Variants in CTNNA3 observed in about 807,000 individuals in gnomAD.
The protein encoded by CTNNA3 is catenin alpha 3, also known as catenin alpha-3.
Under a neutral mutation model 95.7 loss-of-function variants are expected in CTNNA3, and 76 were observed. The observed-to-expected ratio is 0.79, with a 90% CI of 0.66 to 0.96. CTNNA3 has a LOEUF of 0.96. Ranked by LOEUF, CTNNA3 falls within the 40% of genes least tolerant of loss-of-function variation. The probability of loss-of-function intolerance (pLI) is 0.00; values close to 1 mark genes in which losing one functional copy is unlikely to be tolerated. For synonymous variants in CTNNA3, 431 were observed against 374.4 expected, an observed-to-expected ratio of 1.15 and a Z score of -1.74; for missense variants, 1,191 against 1,089.8, an observed-to-expected ratio of 1.09 and a Z score of -1.31.
At chr10:66,979,513 C>T (rs1375497089) in intron 7 of CTNNA3, among the ~76,000 whole-genome samples, 1 of 152,112 alleles carries the variant, frequency 6.6e-6, no homozygotes, top group African/African-American at 2.4e-5. Flanking sequence ...GCCCAGGGTG[C>T]AGACTCAGGC....
intron 5 of CTNNA3, among the ~76,000 whole-genome samples, chr10:67,365,436 G>A (rs937098857): frequency 2.0e-5 from 3 of 152,058 alleles, no homozygotes; most frequent in Non-Finnish European, 2.9e-5. Context: ...GAGTGAACAG[G>A]CAACCCACAT....
intron 4 of CTNNA3, among the ~76,000 whole-genome samples, chr10:67,534,453 A>T (rs1288136510): frequency 6.6e-6 from 1 of 152,190 alleles, no homozygotes; most frequent in Non-Finnish European, 1.5e-5. Flanking sequence ...AACATAATTT[A>T]GAAGTTTGAG....
At chr10:67,224,268 C>T (rs1435296482) in intron 5 of CTNNA3, among the ~76,000 whole-genome samples, 1 of 152,194 alleles carries the variant, frequency 6.6e-6, no homozygotes, top group Non-Finnish European at 1.5e-5. Context: ...ATGCCAACCC[C>T]TGGCAACTAT....
intron 1 of CTNNA3, among the ~76,000 whole-genome samples, chr10:67,664,034 T>C (rs1840267466): frequency 6.6e-6 from 1 of 152,216 alleles, no homozygotes; most frequent in Non-Finnish European, 1.5e-5. Flanking sequence ...CTTACTGAAG[T>C]TGAAATTCAA....
At chr10:67,760,671 AT>A (rs1841457626) in intron 1 of CTNNA3, among the ~76,000 whole-genome samples, 1 of 152,096 alleles carries the variant, frequency 6.6e-6, no homozygotes, top group Non-Finnish European at 1.5e-5. Flanking sequence ...ATTTACAGCC[AT>A]TCCCCATTGC....
intron 13 of CTNNA3, among the ~76,000 whole-genome samples, chr10:66,227,354 A>G (rs2089352258): frequency 7.0e-6 from 1 of 142,344 alleles, no homozygotes; most frequent in Admixed American, 7.4e-5. Flanking sequence ...GTACACTTCT[A>G]TACTTAATTT....
intron 13 of CTNNA3, among the ~76,000 whole-genome samples, chr10:66,208,241 T>C (rs954718105): frequency 5.3e-5 from 8 of 152,062 alleles, no homozygotes; most frequent in Non-Finnish European, 1.2e-4. Flanking sequence ...GACTTAGTAA[T>C]TTTGTAGCTA....
At chr10:65,951,647 A>T (rs1277343925) in intron 17 of CTNNA3, among the ~76,000 whole-genome samples, 1 of 151,974 alleles carries the variant, frequency 6.6e-6, no homozygotes, top group East Asian at 1.9e-4. Flanking sequence ...CACCCCTGTC[A>T]TCTCAGCACT....
chr10:66,399,487 C>A (rs2093003722), intron 11 of CTNNA3, among the ~76,000 whole-genome samples: 1 of 151,904 alleles, frequency 6.6e-6, no homozygotes, highest in Non-Finnish European at 1.5e-5. Flanking sequence ...ACCCTACATT[C>A]CATCCTAATT....
intron 15 of CTNNA3, among the ~76,000 whole-genome samples, chr10:66,030,802 A>C (rs2079434916): frequency 1.3e-5 from 2 of 152,166 alleles, no homozygotes; most frequent in Admixed American, 6.6e-5. Flanking sequence ...TTATGCATCC[A>C]ACAAAGGTCT....
At chr10:66,365,532 T>C (rs528271104) in intron 12 of CTNNA3, among the ~76,000 whole-genome samples, 2 of 152,246 alleles carry the variant, frequency 1.3e-5, no homozygotes, top group East Asian at 3.9e-4. Flanking sequence ...ACTTAAAGTA[T>C]AATAAATAAA....
At chr10:67,717,512 G>A (rs1421479793) in intron 1 of CTNNA3, among the ~76,000 whole-genome samples, 4 of 152,028 alleles carry the variant, frequency 2.6e-5, no homozygotes, top group African/African-American at 9.7e-5. Context: ...TAAGGACAAG[G>A]TCCAGTTTCA....
intron 13 of CTNNA3, among the ~76,000 whole-genome samples, chr10:66,143,304 A>G (rs2083710394): frequency 6.6e-6 from 1 of 152,180 alleles, no homozygotes; most frequent in African/African-American, 2.4e-5. Flanking sequence ...AGAAAGGAGT[A>G]TACTTTATAA....
At chr10:67,052,962 A>G (rs1156961617) in intron 7 of CTNNA3, among the ~76,000 whole-genome samples, 1 of 152,226 alleles carries the variant, frequency 6.6e-6, no homozygotes, top group African/African-American at 2.4e-5. Flanking sequence ...ACCTCAAAGT[A>G]TGTTCATTGT....
At chr10:65,921,128 C>T (rs749692638) in intron 17 of CTNNA3, among the ~76,000 whole-genome samples, 8 of 152,160 alleles carry the variant, frequency 5.3e-5, no homozygotes, top group Non-Finnish European at 8.8e-5. Context: ...AGTTTAACAA[C>T]GGTACAAATT....
intron 10 of CTNNA3, among the ~76,000 whole-genome samples, chr10:66,611,473 G>T (rs1844328089): frequency 6.6e-6 from 1 of 151,950 alleles, no homozygotes; most frequent in African/African-American, 2.4e-5. Context: ...AAGAATGGTA[G>T]GACTTTATGG....
chr10:67,482,769 G>A (rs1381132637), intron 5 of CTNNA3, among the ~76,000 whole-genome samples: 1 of 152,108 alleles, frequency 6.6e-6, no homozygotes, highest in African/African-American at 2.4e-5. Context: ...GCCCTGGCCA[G>A]AATTTCCAAC....
Position 66,046,994 on chromosome 10 carries a change from A to G in CTNNA3, c.2159+22314T>C, listed in dbSNP as rs182406986. On this transcript the variant is annotated intron_variant, in intron 15 of 17. Coordinates refer to ENST00000433211, the MANE Select transcript of CTNNA3 (RefSeq NM_013266.4). ...AAATTAACTCGGTAATAAATAGCCT[A>G]CCAACCAAAAAAAGCCCAGGACCTG... is the stretch of plus-strand genomic sequence containing the variant. Among the ~76,000 whole-genome samples, 454 of 152,290 alleles carry G rather than the reference A, an allele frequency of 3.0e-3. 2 individuals are homozygous for G. Among genetic ancestry groups the G allele is most frequent in the Non-Finnish European group, 4.3e-3 (295 of 68,004 alleles).
intron 15 of CTNNA3, among the ~76,000 whole-genome samples, chr10:66,021,535 T>C (rs1057458066): frequency 6.6e-6 from 1 of 152,196 alleles, no homozygotes; most frequent in Admixed American, 6.5e-5. Flanking sequence ...AGCAGTGAAC[T>C]TTGGCAGCAT....
Sources: allele counts gnomAD v4.1 joint callset (sites outside exome capture counted in the v4.1 genomes callset), GRCh38; gene constraint gnomAD v4.1.1; transcripts MANE v1.5; gene names NCBI Gene and HGNC (gene_info 2026-07-23, HGNC 2026-07-21).